The following PARVB variants were observed in gnomAD, a reference collection of about 807,000 sequenced individuals.
PARVB encodes beta-parvin.
Under a neutral mutation model 47.0 loss-of-function variants are expected in PARVB, and 46 were observed. That is an observed-to-expected ratio of 0.98 (90% confidence interval 0.77 to 1.25). The LOEUF is 1.25. Among genes scored for constraint, PARVB ranks in the 50% most tolerant of loss-of-function variants. The pLI is 0.00. For missense variants in PARVB, 473 were observed against 471.6 expected, an observed-to-expected ratio of 1.00 and a Z score of -0.03; for synonymous variants, 196 against 196.3, an observed-to-expected ratio of 1.00 and a Z score of 0.01.
At chr22:44,076,069 G>T (rs911054305) in intron 1 of PARVB, among the ~76,000 whole-genome samples, 15 of 152,224 alleles carry the variant, frequency 9.9e-5, no homozygotes, top group Non-Finnish European at 1.9e-4. Context: ...CCGGGACTTG[G>T]GAGTGTCTGG....
At chr22:44,115,497 C>A (rs2052862558) in intron 3 of PARVB, 1 of 57,710 alleles carries the variant, frequency 1.7e-5, no homozygotes, top group African/African-American at 8.6e-5. Context: ...CTAACTAAGG[C>A]CCTGCACCAG....
chr22:44,065,250 C>T (rs556840577), intron 1 of PARVB, among the ~76,000 whole-genome samples: 2 of 152,208 alleles, frequency 1.3e-5, no homozygotes, highest in South Asian at 4.2e-4. Flanking sequence ...CTGAGGGCAG[C>T]TTCTGGGTGG....
At chr22:44,126,267 C>T (rs1007365795) in intron 4 of PARVB, among the ~76,000 whole-genome samples, 2 of 152,124 alleles carry the variant, frequency 1.3e-5, no homozygotes, top group Non-Finnish European at 2.9e-5. Context: ...GGTGAGAATC[C>T]CCATCTTAGA....
intron 3 of PARVB, chr22:44,109,130 C>CCT (rs2052632796): frequency 6.6e-6 from 1 of 152,316 alleles, no homozygotes; most frequent in African/African-American, 2.4e-5. Flanking sequence ...TGAAAACGAT[C>CCT]CTCTGGGCAG....
chr22:44,026,536 A>G (rs1165057594), intron 1 of PARVB, among the ~76,000 whole-genome samples: 1 of 152,188 alleles, frequency 6.6e-6, no homozygotes, highest in African/African-American at 2.4e-5. Flanking sequence ...AAGAGTCAGG[A>G]AGACTGGATA....
At chr22:44,015,098 G>C (rs533201841) in intron 2 of PARVB, among the ~76,000 whole-genome samples, 1 of 151,816 alleles carries the variant, frequency 6.6e-6, no homozygotes, top group African/African-American at 2.4e-5. Context: ...TGATTGGCCT[G>C]CCTTGGCCTC....
intron 1 of PARVB, among the ~76,000 whole-genome samples, chr22:44,045,080 A>T (rs986216341): frequency 6.6e-6 from 1 of 151,998 alleles, no homozygotes; most frequent in African/African-American, 2.4e-5. Context: ...CTCTACAAAA[A>T]ATAAAATTAG....
At chr22:44,071,746 T>C (rs1295884359) in intron 1 of PARVB, among the ~76,000 whole-genome samples, 1 of 152,232 alleles carries the variant, frequency 6.6e-6, no homozygotes, top group African/African-American at 2.4e-5. Context: ...AATTCTTAAC[T>C]AAACAAGGAG....
At position 44,125,904 on chromosome 22, in the gene PARVB, A is replaced by C. The variant is rs1402690556; in HGVS notation, c.377-5583A>C. On this transcript the variant is annotated intron_variant, in intron 4 of 12. Coordinates refer to ENST00000338758, the MANE Select transcript of PARVB (RefSeq NM_013327.5). This position sits in a 1 kb window ranked among gnomAD's most constrained non-coding sequence, Gnocchi z 4.1. ...TCTGATGAAGTAGCTCAGCCCCCAGAGTGGAAGGGCAGACATGGGGAGGTA... is the reference window on the plus strand; with the variant it reads ...TCTGATGAAGTAGCTCAGCCCCCAGCGTGGAAGGGCAGACATGGGGAGGTA... Among the ~76,000 whole-genome samples, 1 of 152,146 alleles carries C rather than the reference A, an allele frequency of 6.6e-6. No individual in the cohort carries two copies. The highest frequency in any genetic ancestry group is 1.5e-5 in the Non-Finnish European group (1 of 68,024).
At chr22:44,107,488 C>T (rs2052593745) in intron 3 of PARVB, 1 of 152,158 alleles carries the variant, frequency 6.6e-6, no homozygotes, top group Non-Finnish European at 1.5e-5. Context: ...TTGCGATTTC[C>T]TGAGTGATAG....
intron 1 of PARVB, among the ~76,000 whole-genome samples, chr22:44,054,895 C>A (rs1443149301): frequency 4.1e-5 from 6 of 144,838 alleles, no homozygotes; most frequent in Non-Finnish European, 7.4e-5. Flanking sequence ...GAGGCTGAGG[C>A]AGGAGAATCA....
At chr22:44,117,253 A>G (rs1022406993) in intron 3 of PARVB, among the ~76,000 whole-genome samples, 54 of 151,998 alleles carry the variant, frequency 3.6e-4, no homozygotes, top group African/African-American at 1.2e-3. Flanking sequence ...GGGAGGGAGA[A>G]GGGGAGCTGT....
chr22:44,054,932 G>T (rs148684805), intron 1 of PARVB, among the ~76,000 whole-genome samples: 1 of 145,784 alleles, frequency 6.9e-6, no homozygotes, highest in Non-Finnish European at 1.5e-5. Flanking sequence ...AGAGGTTGCC[G>T]TGAGCCGAGA....
intron 2 of PARVB, among the ~76,000 whole-genome samples, chr22:44,013,410 T>C (rs2146856223): frequency 6.6e-6 from 1 of 152,334 alleles, no homozygotes; most frequent in East Asian, 1.9e-4. Flanking sequence ...TTGTGTACAC[T>C]GTGTGACTAC....
chr22:44,130,225 A>C (rs75617873), intron 4 of PARVB, among the ~76,000 whole-genome samples: 3,486 of 152,344 alleles, frequency 0.023, 53 homozygotes, highest in African/African-American at 0.026. Context: ...GAGTGCTTGC[A>C]GTCACCCTCC....
chr22:44,021,660 A>G (rs1366603542), upstream of PARVB, among the ~76,000 whole-genome samples: 3 of 152,058 alleles, frequency 2.0e-5, no homozygotes, highest in Non-Finnish European at 4.4e-5. Context: ...CAATGCATAA[A>G]TATCATCATC....
chr22:44,140,627 TG>T (rs1426372088), intron 8 of PARVB: 3 of 518,236 alleles, frequency 5.8e-6, no homozygotes, highest in Non-Finnish European at 1.2e-5. Context: ...CATTCCTGGC[TG>T]GTGGCTTGTG....
chr22:44,097,695 C>T (rs978179689), intron 2 of PARVB, among the ~76,000 whole-genome samples: 1 of 152,202 alleles, frequency 6.6e-6, no homozygotes, highest in African/African-American at 2.4e-5. Flanking sequence ...GGACACACTG[C>T]CACACATAGC....
chr22:44,046,422 A>T (rs558744686), intron 1 of PARVB, among the ~76,000 whole-genome samples: 1 of 152,288 alleles, frequency 6.6e-6, no homozygotes, highest in Admixed American at 6.5e-5. Context: ...ATGGGATATC[A>T]CTGACCACCA....
Sources: gnomAD v4.1 joint callset for allele counts (sites outside exome capture counted in the v4.1 genomes callset) on GRCh38, gnomAD v4.1.1 for gene constraint, Gnocchi (gnomAD v3.1) non-coding constraint, MANE v1.5 for transcripts, NCBI Gene and HGNC (gene_info 2026-07-23, HGNC 2026-07-21) for gene names.